Variants in MACROD2 observed in about 807,000 individuals in gnomAD.
MACROD2 encodes the protein mono-ADP ribosylhydrolase 2, also known as ADP-ribose glycohydrolase MACROD2.
MACROD2 carries 36 observed loss-of-function variants against 70.4 expected under a neutral mutation model. That is an observed-to-expected ratio of 0.51 (90% confidence interval 0.39 to 0.68). The LOEUF is 0.68. Among genes scored for constraint, MACROD2 ranks in the 30% least tolerant of loss-of-function variants. The pLI, the probability that MACROD2 is intolerant of heterozygous loss-of-function variation, is 0.00. For missense variants in MACROD2, 496 were observed against 538.4 expected (o/e 0.92, Z 0.78); for synonymous variants, 172 against 178.8 (o/e 0.96, Z 0.30).
chr20:14,285,802 A>C (rs2122424015), intron 3 of MACROD2, among the ~76,000 whole-genome samples: 1 of 152,176 alleles, frequency 6.6e-6, no homozygotes, highest in Middle Eastern at 3.4e-3. Flanking sequence ...TTTCTCATTC[A>C]GTCCCTCTCC....
chr20:14,696,381 T>C (rs1339514819), intron 5 of MACROD2, among the ~76,000 whole-genome samples: 5 of 152,164 alleles, frequency 3.3e-5, no homozygotes, highest in Non-Finnish European at 7.4e-5. Context: ...TGTTTCTATT[T>C]TGGGGGGAAA....
intron 6 of MACROD2, among the ~76,000 whole-genome samples, chr20:15,279,766 T>G (rs1256972094): frequency 2.0e-5 from 3 of 152,220 alleles, no homozygotes; most frequent in Non-Finnish European, 4.4e-5. Context: ...GGTAACATCT[T>G]TTAAGCATCT....
At chr20:14,539,440 A>C (rs796517058) in intron 4 of MACROD2, among the ~76,000 whole-genome samples, 15 of 152,034 alleles carry the variant, frequency 9.9e-5, no homozygotes, top group African/African-American at 3.6e-4. Context: ...AAGAAGGGAG[A>C]GTGTTGGGGG....
chr20:14,588,843 C>A (rs1022457340), intron 4 of MACROD2, among the ~76,000 whole-genome samples: 2 of 152,200 alleles, frequency 1.3e-5, no homozygotes, highest in Non-Finnish European at 2.9e-5. Flanking sequence ...TCATTGACAT[C>A]ATCTCACAGC....
chr20:15,161,935 A>T lies in MACROD2; in HGVS notation c.419-68005A>T, dbSNP rs182608540. Among the ~76,000 whole-genome samples the T allele has an allele frequency of 1.9e-3, 287 of 152,198 alleles. 4 individuals carry two copies. Among genetic ancestry groups the T allele is most frequent in the Non-Finnish European group, 7.7e-4 (52 of 67,956 alleles). On this transcript the variant is annotated intron_variant, in intron 5 of 17. Transcript: ENST00000684519. ...AATTTAATCCTGACTAGAAGTCAAA[A>T]CAAATGCACTTTTTAGATGTTGATA...
intron 4 of MACROD2, among the ~76,000 whole-genome samples, chr20:14,588,877 A>T (rs1981568956): frequency 6.6e-6 from 1 of 152,216 alleles, no homozygotes; most frequent in South Asian, 2.1e-4. Context: ...CTTGTCATTA[A>T]TTTCCAAGTA....
chr20:15,295,620 CACACACACAT>C (rs2077579772), intron 6 of MACROD2, among the ~76,000 whole-genome samples: 1 of 152,016 alleles, frequency 6.6e-6, no homozygotes, highest in African/African-American at 2.4e-5. Context: ...CACACACACA[CACACACACAT>C]GCACACACCC....
intron 16 of MACROD2, among the ~76,000 whole-genome samples, chr20:16,041,673 G>A (rs1307206691): frequency 6.6e-6 from 1 of 151,956 alleles, no homozygotes; most frequent in African/African-American, 2.4e-5. Context: ...CCTACCTTTG[G>A]TGTGGGCTAA....
intron 6 of MACROD2, among the ~76,000 whole-genome samples, chr20:15,421,649 G>A (rs573479829): frequency 6.6e-6 from 1 of 152,152 alleles, no homozygotes; most frequent in Admixed American, 6.5e-5. Flanking sequence ...AAAATATGGC[G>A]ATGCTTGTAT....
intron 7 of MACROD2, among the ~76,000 whole-genome samples, chr20:15,458,034 T>C (rs1190550734): frequency 1.3e-5 from 2 of 151,886 alleles, no homozygotes; most frequent in Non-Finnish European, 2.9e-5. Context: ...TAGTACATCG[T>C]AGGTATTTTT....
chr20:15,910,940 G>A (rs1290633929), intron 10 of MACROD2, among the ~76,000 whole-genome samples: 1 of 152,180 alleles, frequency 6.6e-6, no homozygotes, highest in African/African-American at 2.4e-5. Context: ...TCTGTGCTCT[G>A]CCTCCCTCTG....
At chr20:15,679,462 AC>A (rs73615574) in intron 8 of MACROD2, among the ~76,000 whole-genome samples, 18,860 of 151,626 alleles carry the variant, frequency 0.12, 1,251 homozygotes, top group East Asian at 0.21. Flanking sequence ...CATGAACTGC[AC>A]CCCCCAAGGT....
intron 5 of MACROD2, among the ~76,000 whole-genome samples, chr20:15,149,412 G>C (rs2076252992): frequency 1.3e-5 from 2 of 152,088 alleles, no homozygotes; most frequent in South Asian, 2.1e-4. Context: ...AGGAAATGTG[G>C]GGAAATGGAG....
chr20:15,603,020 G>T (rs901498985), intron 8 of MACROD2, among the ~76,000 whole-genome samples: 1 of 151,912 alleles, frequency 6.6e-6, no homozygotes, highest in Admixed American at 6.6e-5. Flanking sequence ...TGTGAGTGAG[G>T]GCATGTGAGG....
intron 5 of MACROD2, among the ~76,000 whole-genome samples, chr20:15,090,302 A>T (rs946220425): frequency 2.0e-5 from 3 of 152,102 alleles, no homozygotes; most frequent in African/African-American, 7.2e-5. Context: ...TTTACCATAC[A>T]CTGGATGCAA....
At chr20:15,929,626 C>T (rs1030256386) in intron 10 of MACROD2, among the ~76,000 whole-genome samples, 5 of 152,110 alleles carry the variant, frequency 3.3e-5, no homozygotes, top group African/African-American at 9.7e-5. Flanking sequence ...CCCAGTATAG[C>T]GATGGATTTA....
intron 2 of MACROD2, among the ~76,000 whole-genome samples, chr20:14,063,502 A>G (rs1045089311): frequency 5.9e-5 from 9 of 152,222 alleles, no homozygotes; most frequent in Non-Finnish European, 1.0e-4. Context: ...TGAAAATTCA[A>G]ACTCCAAAAT....
intron 8 of MACROD2, among the ~76,000 whole-genome samples, chr20:15,700,528 G>T (rs1036629743): frequency 6.6e-6 from 1 of 152,080 alleles, no homozygotes; most frequent in Non-Finnish European, 1.5e-5. Context: ...TGAATGTTTG[G>T]TTTCTCTGGC....
intron 10 of MACROD2, among the ~76,000 whole-genome samples, chr20:15,913,370 T>G (rs2065264676): frequency 6.6e-6 from 1 of 152,188 alleles, no homozygotes; most frequent in Non-Finnish European, 1.5e-5. Flanking sequence ...TCTTGTTGTG[T>G]GTATTTTTTC....
Sources: gnomAD v4.1 joint callset for allele counts (sites outside exome capture counted in the v4.1 genomes callset) on GRCh38, gnomAD v4.1.1 for gene constraint, MANE v1.5 for transcripts, NCBI Gene and HGNC (gene_info 2026-07-23, HGNC 2026-07-21) for gene names.